The following ZBTB20 variants were observed in gnomAD, a reference collection of about 807,000 sequenced individuals.
ZBTB20 encodes the protein zinc finger and BTB domain containing 20.
A neutral mutation model predicts 56.9 loss-of-function variants in ZBTB20; 9 were observed. The observed-to-expected ratio is 0.16, with a 90% CI of 0.10 to 0.28. The LOEUF (loss-of-function observed/expected upper bound fraction) is 0.28, where lower values mean the gene tolerates loss of function less well. Ranked by LOEUF, ZBTB20 falls within the 10% of genes least tolerant of loss-of-function variation. The probability of loss-of-function intolerance (pLI) is 1.00; values close to 1 mark genes in which losing one functional copy is unlikely to be tolerated. For synonymous variants in ZBTB20, 417 were observed against 420.7 expected (o/e 0.99, Z 0.11); for missense variants, 655 against 1,003.0 (o/e 0.65, Z 4.69).
In ZBTB20 at chr3:114,839,845, C is replaced by T. The variant is rs77326959; in HGVS notation, c.-416-38671G>A. Among the ~76,000 whole-genome samples the T allele has an allele frequency of 7.9e-5, 12 of 152,270 alleles. No homozygotes were observed. In the South Asian group the frequency reaches 2.3e-3, roughly 29 times the overall value. On this transcript the variant is annotated intron_variant, in intron 4 of 11. Coordinates refer to ENST00000675478, the MANE Select transcript of ZBTB20 (RefSeq NM_001348800.3). ...CAAGCCAAGGAACCTCTGGAGCCAC[C>T]AGAAGCTGGAAAAGCAAGGAATGAT...
intron 3 of ZBTB20, among the ~76,000 whole-genome samples, chr3:114,936,046 C>T (rs2076523568): frequency 6.6e-6 from 1 of 151,704 alleles, no homozygotes; most frequent in Non-Finnish European, 1.5e-5. Context: ...GAGACTGGCA[C>T]CTGCATAATT....
At chr3:115,081,286 T>G (rs1157462264) in intron 1 of ZBTB20, among the ~76,000 whole-genome samples, 1 of 152,080 alleles carries the variant, frequency 6.6e-6, no homozygotes, top group Non-Finnish European at 1.5e-5. Context: ...TCTTCCTTCA[T>G]CATCATTTTT....
At chr3:114,664,436 G>C (rs2060929682) in intron 6 of ZBTB20, among the ~76,000 whole-genome samples, 1 of 152,242 alleles carries the variant, frequency 6.6e-6, no homozygotes, top group Admixed American at 6.5e-5. Context: ...AACAAAAGTA[G>C]TACTGTATCA....
At chr3:114,786,842 G>C (rs1017656784) in intron 5 of ZBTB20, among the ~76,000 whole-genome samples, 1 of 152,044 alleles carries the variant, frequency 6.6e-6, no homozygotes, top group Non-Finnish European at 1.5e-5. Context: ...CATTGCCAGT[G>C]GGAATGCAAA....
chr3:114,471,375 G>C (rs569637631), intron 7 of ZBTB20, among the ~76,000 whole-genome samples: 28 of 152,230 alleles, frequency 1.8e-4, no homozygotes, highest in African/African-American at 6.5e-4. Context: ...TTTGCTTTTT[G>C]TACTTTGCTA....
At chr3:114,710,001 C>T (rs747679084) in intron 5 of ZBTB20, among the ~76,000 whole-genome samples, 2 of 152,074 alleles carry the variant, frequency 1.3e-5, no homozygotes, top group Non-Finnish European at 2.9e-5. Context: ...TTTCACCTTC[C>T]TATGAATTCA....
intron 6 of ZBTB20, among the ~76,000 whole-genome samples, chr3:114,596,790 A>G (rs1355431849): frequency 2.6e-5 from 4 of 152,344 alleles, no homozygotes; most frequent in Non-Finnish European, 4.4e-5. Flanking sequence ...AATCACTTCC[A>G]TAACACTGAC....
intron 4 of ZBTB20, among the ~76,000 whole-genome samples, chr3:114,870,034 A>G (rs1400887994): frequency 1.3e-5 from 2 of 152,200 alleles, no homozygotes; most frequent in African/African-American, 4.8e-5. Context: ...CAATTAAAGC[A>G]TGTACATATA....
chr3:114,998,325 T>G (rs2079109826), intron 2 of ZBTB20, among the ~76,000 whole-genome samples: 1 of 151,742 alleles, frequency 6.6e-6, no homozygotes, highest in African/African-American at 2.4e-5. Flanking sequence ...ACCAAAAAAA[T>G]CAAGATACAA....
chr3:114,787,394 TATATATACATATATATACGTGTGTACAC>T (rs2070626693), intron 5 of ZBTB20, among the ~76,000 whole-genome samples: 1 of 135,356 alleles, frequency 7.4e-6, no homozygotes, highest in Non-Finnish European at 1.5e-5. Flanking sequence ...CACACACACA[TATATATACATATATATACGTGTGTACAC>T]ATATATACAC....
intron 3 of ZBTB20, chr3:114,931,402 G>A: frequency 4.2e-6 from 1 of 237,558 alleles, no homozygotes; most frequent in Admixed American, 4.8e-5. Context: ...AGAGACAACA[G>A]CAGCCAGTCC....
At chr3:114,666,167 A>G (rs1255022374) in intron 6 of ZBTB20, among the ~76,000 whole-genome samples, 1 of 151,564 alleles carries the variant, frequency 6.6e-6, no homozygotes, top group South Asian at 2.1e-4. Flanking sequence ...CCCTTTGTCT[A>G]TTTCCCTGTG....
intron 1 of ZBTB20, among the ~76,000 whole-genome samples, chr3:115,104,962 G>C (rs567205797): frequency 1.3e-5 from 2 of 152,092 alleles, no homozygotes; most frequent in East Asian, 3.9e-4. Context: ...GTGAAGGCAG[G>C]GGGTATATGA....
chr3:115,013,397 T>C (rs2079805531), intron 2 of ZBTB20, among the ~76,000 whole-genome samples: 1 of 151,638 alleles, frequency 6.6e-6, no homozygotes, highest in Non-Finnish European at 1.5e-5. Flanking sequence ...GTGGCTGCTA[T>C]AAATAGCTAT....
At chr3:114,568,406 T>TG (rs2053041688) in intron 6 of ZBTB20, among the ~76,000 whole-genome samples, 1 of 152,224 alleles carries the variant, frequency 6.6e-6, no homozygotes, top group Admixed American at 6.5e-5. Context: ...CTGGTACACT[T>TG]GCATAAAAAC....
chr3:115,102,337 T>C (rs555529607), intron 1 of ZBTB20, among the ~76,000 whole-genome samples: 2 of 152,286 alleles, frequency 1.3e-5, no homozygotes, highest in East Asian at 3.9e-4. Context: ...TACCAGCATG[T>C]ATCTCCTCCT....
At chr3:114,393,759 A>G (rs2086095368) in intron 7 of ZBTB20, among the ~76,000 whole-genome samples, 1 of 152,192 alleles carries the variant, frequency 6.6e-6, no homozygotes, top group South Asian at 2.1e-4. Context: ...GAACCTGAAA[A>G]TCCAGCTGTT....
intron 6 of ZBTB20, among the ~76,000 whole-genome samples, chr3:114,575,650 G>A (rs1002307160): frequency 1.8e-4 from 27 of 150,820 alleles, no homozygotes; most frequent in African/African-American, 5.6e-4. Context: ...TAAACAACAC[G>A]AACTATTGTG....
intron 7 of ZBTB20, among the ~76,000 whole-genome samples, chr3:114,398,044 T>C (rs893201116): frequency 6.6e-6 from 1 of 152,184 alleles, no homozygotes; most frequent in Non-Finnish European, 1.5e-5. Context: ...TGAGCTACTG[T>C]ATATACCAGT....
Sources: gnomAD v4.1 joint callset for allele counts (sites outside exome capture counted in the v4.1 genomes callset) on GRCh38, gnomAD v4.1.1 for gene constraint, MANE v1.5 for transcripts, NCBI Gene and HGNC (gene_info 2026-07-23, HGNC 2026-07-21) for gene names.